Variants in DISC1 observed in about 807,000 individuals in gnomAD.
DISC1 encodes the protein disrupted in schizophrenia 1 protein.
Under a neutral mutation model 84.5 loss-of-function variants are expected in DISC1, and 57 were observed. The observed-to-expected ratio is 0.67, with a 90% CI of 0.55 to 0.84. DISC1 has a LOEUF of 0.84. Among genes scored for constraint, DISC1 ranks in the 40% least tolerant of loss-of-function variants. The pLI, the probability that DISC1 is intolerant of heterozygous loss-of-function variation, is 0.00. For missense variants in DISC1, 1,000 were observed against 1,057.8 expected, an observed-to-expected ratio of 0.95 and a Z score of 0.76; for synonymous variants, 411 against 415.2, an observed-to-expected ratio of 0.99 and a Z score of 0.12.
At chr1:231,868,692 T>TTATATATATATATATATATATA (rs58636016) in intron 9 of DISC1, among the ~76,000 whole-genome samples, 44 of 108,838 alleles carry the variant, frequency 4.0e-4, no homozygotes, top group Non-Finnish European at 7.3e-4. Flanking sequence ...ACCCCATCTC[T>TTATATATATATATATATATATA]TATATATATA....
At chr1:231,754,033 C>T (rs2074886297) in intron 4 of DISC1, among the ~76,000 whole-genome samples, 2 of 152,184 alleles carry the variant, frequency 1.3e-5, no homozygotes, top group African/African-American at 4.8e-5. Flanking sequence ...CTGTTCATAT[C>T]ACTACCAGCA....
At chr1:231,982,781 T>C (rs1489009258) in intron 10 of DISC1, among the ~76,000 whole-genome samples, 5 of 152,024 alleles carry the variant, frequency 3.3e-5, no homozygotes, top group African/African-American at 9.7e-5. Context: ...CCTTGGAGCG[T>C]GTGAAGAACA....
At chr1:231,777,705 C>T (rs2077057777) in intron 6 of DISC1, among the ~76,000 whole-genome samples, 1 of 152,178 alleles carries the variant, frequency 6.6e-6, no homozygotes, top group South Asian at 2.1e-4. Context: ...CAGGTGTGCC[C>T]TCTCCACTCA....
At chr1:232,022,243 G>T (rs1391227798) in intron 11 of DISC1, among the ~76,000 whole-genome samples, 3 of 151,740 alleles carry the variant, frequency 2.0e-5, no homozygotes, top group Admixed American at 2.0e-4. Context: ...AGGAAGTTTT[G>T]CCTAGTCCCT....
At chr1:231,784,360 A>G (rs2077670921) in intron 6 of DISC1, among the ~76,000 whole-genome samples, 1 of 152,162 alleles carries the variant, frequency 6.6e-6, no homozygotes, top group Non-Finnish European at 1.5e-5. Flanking sequence ...AGAGTGTAGC[A>G]TCCTAGTGGA....
intron 9 of DISC1, among the ~76,000 whole-genome samples, chr1:231,906,261 A>G (rs974557131): frequency 7.4e-4 from 113 of 152,276 alleles, no homozygotes; most frequent in African/African-American, 2.7e-3. Context: ...ACCTCAGGTG[A>G]TCTGCCTGCC....
chr1:231,765,641 G>A (rs2076116933), intron 4 of DISC1, among the ~76,000 whole-genome samples: 1 of 152,036 alleles, frequency 6.6e-6, no homozygotes, highest in African/African-American at 2.4e-5. Flanking sequence ...TGTTTTAAGG[G>A]TGAATTTGTC....
rs1268121727 is a variant in DISC1, at chr1:231,630,711, C to T, written c.67+3777C>T. Among the ~76,000 whole-genome samples, 1 of 152,072 alleles carries T rather than the reference C, an allele frequency of 6.6e-6. No homozygotes were observed. Among genetic ancestry groups the T allele is most frequent in the East Asian group, 1.9e-4 (1 of 5,196 alleles). ...CTTTAATGACTTTGTGGTAAAAATT[C>T]CTTAGCGAATGACTTCTGTGCAACA... On this transcript the variant is annotated intron_variant, in intron 1 of 12. Transcript: ENST00000439617. The surrounding 1 kb of genome is among the most constrained non-coding windows in gnomAD (Gnocchi z 4.4).
intron 10 of DISC1, among the ~76,000 whole-genome samples, chr1:231,974,651 A>G (rs2102839076): frequency 6.6e-6 from 1 of 152,350 alleles, no homozygotes; most frequent in East Asian, 1.9e-4. Context: ...AAATTCTTAT[A>G]CCCACACTTA....
chr1:231,974,458 T>C (rs1005609969), intron 10 of DISC1, among the ~76,000 whole-genome samples: 1 of 152,276 alleles, frequency 6.6e-6, no homozygotes, highest in Non-Finnish European at 1.5e-5. Context: ...ATAAGCCTAG[T>C]AAAAATCTGG....
At chr1:231,833,813 C>T (rs186708146) in intron 9 of DISC1, among the ~76,000 whole-genome samples, 1 of 152,306 alleles carries the variant, frequency 6.6e-6, no homozygotes, top group East Asian at 1.9e-4. Flanking sequence ...TATGTTGCTA[C>T]TTGGCTGCCT....
At chr1:232,004,537 A>G (rs1667096503) in intron 10 of DISC1, among the ~76,000 whole-genome samples, 1 of 152,226 alleles carries the variant, frequency 6.6e-6, no homozygotes, top group South Asian at 2.1e-4. Flanking sequence ...AATAGAATGT[A>G]AAAGTTAAAG....
rs570658877 is a variant in DISC1 at position 231,961,643 on chromosome 1, G to A, written c.2042+2755G>A. 1.4e-4 allele frequency among the ~76,000 whole-genome samples: 21 copies of A among 152,124 alleles called. No individual in the cohort carries two copies. The South Asian group carries it at 2.1e-3, about 15-fold the overall frequency. ...GAGAACATGCAGTGTTTGGTTTTTC[G>A]TTCCTACATTAATTTGCTTAGAATA... On this transcript the variant is annotated intron_variant, in intron 10 of 12. Coordinates refer to ENST00000439617, the MANE Select transcript of DISC1 (RefSeq NM_018662.3).
At chr1:231,831,061 G>A (rs1159895353) in intron 9 of DISC1, among the ~76,000 whole-genome samples, 6 of 152,038 alleles carry the variant, frequency 3.9e-5, no homozygotes, top group African/African-American at 1.5e-4. Flanking sequence ...TGGCCTTCTC[G>A]GACCCTGTAG....
rs908274503 is a variant in DISC1, at chr1:231,820,204, T to C, written c.1981+1687T>C. ...CAATTTGAGGTGAGTTGGCTTTAGG[T>C]GAACCAAATTAATAATCTAGGGTTG... On this transcript the variant is annotated intron_variant, in intron 9 of 12. Transcript: ENST00000439617. Among the ~76,000 whole-genome samples the C allele has an allele frequency of 8.5e-5, 13 of 152,162 alleles. 1 individual carries two copies. The highest frequency in any genetic ancestry group is 3.1e-4 in the African/African-American group (13 of 41,440).
chr1:231,704,942 C>T (rs570541141), intron 3 of DISC1, among the ~76,000 whole-genome samples: 1 of 151,902 alleles, frequency 6.6e-6, no homozygotes, highest in Non-Finnish European at 1.5e-5. Flanking sequence ...TGCTGAATGC[C>T]GTCCTCAAGA....
intron 9 of DISC1, among the ~76,000 whole-genome samples, chr1:231,835,411 G>C (rs374080171): frequency 6.6e-6 from 1 of 152,012 alleles, no homozygotes; most frequent in Non-Finnish European, 1.5e-5. Flanking sequence ...TCAAAGGGGG[G>C]TTGTTCTTTG....
At chr1:231,677,464 A>G (rs931393922) in intron 1 of DISC1, among the ~76,000 whole-genome samples, 3 of 152,206 alleles carry the variant, frequency 2.0e-5, no homozygotes, top group African/African-American at 4.8e-5. Flanking sequence ...GCTCAGAACA[A>G]CTCGGGGAAA....
intron 10 of DISC1, among the ~76,000 whole-genome samples, chr1:231,977,645 C>T (rs1416126424): frequency 1.3e-5 from 2 of 152,182 alleles, no homozygotes; most frequent in African/African-American, 4.8e-5. Flanking sequence ...AGATAAAATT[C>T]ATAGGTTCCC....
Sources: gnomAD v4.1 joint callset for allele counts (sites outside exome capture counted in the v4.1 genomes callset) on GRCh38, gnomAD v4.1.1 for gene constraint, Gnocchi (gnomAD v3.1) non-coding constraint, MANE v1.5 for transcripts, NCBI Gene and HGNC (gene_info 2026-07-23, HGNC 2026-07-21) for gene names.